The following EXOC4 variants were observed in gnomAD, a reference collection of about 807,000 sequenced individuals.
The protein encoded by EXOC4 is SEC8-like 1.
A neutral mutation model predicts 107.2 loss-of-function variants in EXOC4; 71 were observed. The observed-to-expected ratio is 0.66, with a 90% CI of 0.55 to 0.81. The LOEUF (loss-of-function observed/expected upper bound fraction) is 0.81. Among genes scored for constraint, EXOC4 ranks in the 30% least tolerant of loss-of-function variants. EXOC4 has a pLI of 0.00. For synonymous variants in EXOC4, 456 were observed against 441.2 expected (o/e 1.03, Z -0.42); for missense variants, 1,108 against 1,189.6 (o/e 0.93, Z 1.01).
chr7:133,394,325 A>G (rs1164619140), intron 7 of EXOC4, among the ~76,000 whole-genome samples: 1 of 152,198 alleles, frequency 6.6e-6, no homozygotes, highest in Non-Finnish European at 1.5e-5. Context: ...CTCGTATTTA[A>G]AAATTTTTCC....
At chr7:133,847,700 C>A (rs1328418580) in intron 11 of EXOC4, among the ~76,000 whole-genome samples, 1 of 149,746 alleles carries the variant, frequency 6.7e-6, no homozygotes, top group East Asian at 2.0e-4. Flanking sequence ...AGGATTCTTT[C>A]TTTATTTGTG....
chr7:133,653,074 G>T (rs776622772), intron 10 of EXOC4, among the ~76,000 whole-genome samples: 10 of 152,048 alleles, frequency 6.6e-5, no homozygotes, highest in Non-Finnish European at 1.0e-4. Flanking sequence ...CTGAGATTGG[G>T]GCCTTGAAGA....
intron 11 of EXOC4, among the ~76,000 whole-genome samples, chr7:133,879,054 G>C (rs549546262): frequency 8.8e-4 from 134 of 152,156 alleles, no homozygotes; most frequent in African/African-American, 3.1e-3. Flanking sequence ...AGTACCAATG[G>C]ATAACCTTTA....
At chr7:133,843,458 G>C (rs1001457580) in intron 11 of EXOC4, among the ~76,000 whole-genome samples, 1 of 152,006 alleles carries the variant, frequency 6.6e-6, no homozygotes, top group African/African-American at 2.4e-5. Flanking sequence ...TCTTGATTTG[G>C]CTGTCACCTT....
intron 17 of EXOC4, among the ~76,000 whole-genome samples, chr7:134,054,587 C>T (rs1795877360): frequency 1.3e-5 from 2 of 152,168 alleles, no homozygotes; most frequent in Admixed American, 1.3e-4. Flanking sequence ...GAGATCAGTT[C>T]TAAAGCCAGC....
At chr7:133,544,638 C>T (rs1246725076) in intron 9 of EXOC4, among the ~76,000 whole-genome samples, 1 of 151,992 alleles carries the variant, frequency 6.6e-6, no homozygotes, top group Non-Finnish European at 1.5e-5. Context: ...TCATTTTTTT[C>T]TTTCCTCTAT....
chr7:133,542,842 G>A (rs1274042258), intron 9 of EXOC4, among the ~76,000 whole-genome samples: 1 of 151,902 alleles, frequency 6.6e-6, no homozygotes, highest in Non-Finnish European at 1.5e-5. Context: ...TACCATTTTA[G>A]TTTTTCTTCT....
chr7:133,488,395 G>A (rs534738783), intron 9 of EXOC4, among the ~76,000 whole-genome samples: 65 of 152,190 alleles, frequency 4.3e-4, no homozygotes, highest in African/African-American at 1.5e-3. Flanking sequence ...AACAAAGTGG[G>A]GGTGAGGATT....
chr7:133,648,572 A>T (rs900526575), intron 10 of EXOC4, among the ~76,000 whole-genome samples: 1 of 152,184 alleles, frequency 6.6e-6, no homozygotes, highest in Non-Finnish European at 1.5e-5. Context: ...TTATAGTAGG[A>T]TGATATAGTG....
chr7:133,344,504 G>A (rs780333300), intron 5 of EXOC4, among the ~76,000 whole-genome samples: 4 of 152,090 alleles, frequency 2.6e-5, no homozygotes, highest in South Asian at 2.1e-4. Context: ...TGGTAGCATC[G>A]GAAGGTTTGT....
At chr7:133,881,735 A>G (rs1171329715) in intron 11 of EXOC4, among the ~76,000 whole-genome samples, 1 of 152,124 alleles carries the variant, frequency 6.6e-6, no homozygotes, top group Non-Finnish European at 1.5e-5. Flanking sequence ...TGTTTCCCCA[A>G]ACAACTTCCT....
At chr7:133,990,765 C>CT (rs1794235965) in intron 14 of EXOC4, among the ~76,000 whole-genome samples, 2 of 152,068 alleles carry the variant, frequency 1.3e-5, no homozygotes. Context: ...GGATTTTATT[C>CT]TTTTTATGGG....
chr7:133,624,112 C>G (rs559039627), intron 9 of EXOC4, among the ~76,000 whole-genome samples: 55 of 152,196 alleles, frequency 3.6e-4, no homozygotes, highest in African/African-American at 1.3e-3. Context: ...AAAGAATTCA[C>G]CTTCACTGTG....
At chr7:133,867,564 G>C (rs929842356) in intron 11 of EXOC4, among the ~76,000 whole-genome samples, 1 of 152,166 alleles carries the variant, frequency 6.6e-6, no homozygotes, top group Non-Finnish European at 1.5e-5. Context: ...AGTGAGGGCA[G>C]AGAAGGAGAA....
chr7:133,533,895 G>C (rs1012251387), intron 9 of EXOC4, among the ~76,000 whole-genome samples: 10 of 152,164 alleles, frequency 6.6e-5, no homozygotes, highest in Middle Eastern at 3.4e-3. Flanking sequence ...TGATGGTATG[G>C]GAGTAGCTGG....
At chr7:134,066,412 C>CA (rs1442482470), downstream of EXOC4, 3 of 152,018 alleles carry the variant, frequency 2.0e-5, no homozygotes, top group Non-Finnish European at 1.5e-5. Flanking sequence ...GAGAACCAAC[C>CA]AAAAAATGGC....
intron 12 of EXOC4, among the ~76,000 whole-genome samples, chr7:133,909,715 T>C (rs1391774317): frequency 6.6e-6 from 1 of 152,110 alleles, no homozygotes; most frequent in East Asian, 1.9e-4. Context: ...TCATGTGCAG[T>C]CAGGATTAAG....
intron 9 of EXOC4, among the ~76,000 whole-genome samples, chr7:133,536,816 C>G (rs1047821381): frequency 3.9e-5 from 6 of 152,008 alleles, no homozygotes; most frequent in Non-Finnish European, 7.4e-5. Context: ...TGAACTCTTA[C>G]TATTGTATCT....
At chr7:134,023,432 A>G (rs1374091875) in intron 17 of EXOC4, among the ~76,000 whole-genome samples, 1 of 152,104 alleles carries the variant, frequency 6.6e-6, no homozygotes, top group Non-Finnish European at 1.5e-5. Context: ...AAATAATTTT[A>G]TATTACTTTA....
Sources: allele counts gnomAD v4.1 joint callset (sites outside exome capture counted in the v4.1 genomes callset), GRCh38; gene constraint gnomAD v4.1.1; transcripts MANE v1.5; gene names NCBI Gene and HGNC (gene_info 2026-07-23, HGNC 2026-07-21).